The following SLC38A11 variants were observed in gnomAD, a reference collection of about 807,000 sequenced individuals.
SLC38A11 encodes putative sodium-coupled neutral amino acid transporter 11.
SLC38A11 carries 51 observed loss-of-function variants against 49.4 expected under a neutral mutation model. That is an observed-to-expected ratio of 1.03 (90% CI 0.83 to 1.30). The LOEUF (loss-of-function observed/expected upper bound fraction) is 1.30. SLC38A11 is among the 50% of genes most tolerant of loss of function. SLC38A11 has a pLI of 0.00. For synonymous variants in SLC38A11, 203 were observed against 192.9 expected (o/e 1.05, Z -0.43); for missense variants, 574 against 556.2 (o/e 1.03, Z -0.32).
At chr2:164,951,283 A>G (rs138154787) in intron 3 of SLC38A11, among the ~76,000 whole-genome samples, 16 of 152,310 alleles carry the variant, frequency 1.1e-4, no homozygotes, top group African/African-American at 3.8e-4. Flanking sequence ...CATAGTGATT[A>G]TGGTGGAAAT....
At chr2:164,949,401 A>C (rs1316046538) in intron 3 of SLC38A11, among the ~76,000 whole-genome samples, 1 of 151,984 alleles carries the variant, frequency 6.6e-6, no homozygotes, top group Non-Finnish European at 1.5e-5. Context: ...GAGACTACAG[A>C]CACAAGCCAC....
intron 2 of SLC38A11, 96 bp downstream of exon 2, chr2:164,954,535 T>C (rs1688723710): frequency 1.8e-6 from 1 of 545,058 alleles, no homozygotes; most frequent in Non-Finnish European, 3.1e-6. Flanking sequence ...ATTTAAGTCT[T>C]TTTTTCTTTA....
In SLC38A11 at chr2:164,895,715, G is replaced by C. The variant is rs967910312; in HGVS notation, c.*2722C>G. On this transcript the variant is annotated 3_prime_UTR_variant, in exon 12 of 12. Transcript: ENST00000685975. The stretch of plus-strand genomic sequence containing the variant: ...TCCCATCCAAGTACTAACAAGGCCA[G>C]ACCATACTTAGCTTCCAAGATCAGA... The C allele has an allele frequency of 6.6e-6, 1 of 152,186 alleles. No individual in the cohort carries two copies. The highest frequency in any genetic ancestry group is 2.4e-5 in the African/African-American group (1 of 41,456). 9.4% of individuals were successfully genotyped at this position (152,186 alleles called of 1,614,324 possible). A position where few individuals can be genotyped will look rare whatever the true frequency, so the allele number is the denominator to read the frequency against.
At chr2:164,915,869 C>T in intron 8 of SLC38A11, 34 bp downstream of exon 8, 2 of 1,531,412 alleles carry the variant, frequency 1.3e-6, no homozygotes, top group African/African-American at 1.4e-5. Context: ...GAGAACTCCA[C>T]ATTGAGAAAG....
chr2:164,898,473 T>C lies in SLC38A11; in HGVS notation c.1353A>G (p.Thr451=), dbSNP rs73015592. The change falls in exon 12 of 12, where the codon ACA becomes ACG. Residue 451 remains threonine (T), a synonymous_variant. Transcript: ENST00000685975. The part of the protein sequence containing the change: ...NTSESHVQQT[T]QLSTLNISIF... ...TACTAATATTTAAAGTAGAAAGTTGTGTTGTCTGCTGAACATGAGACTCTG... is the reference window on the plus strand; with the variant it reads ...TACTAATATTTAAAGTAGAAAGTTGCGTTGTCTGCTGAACATGAGACTCTG... 9.0e-3 allele frequency: 14,512 copies of C among 1,612,872 alleles called. 1,010 individuals carry two copies. The African/African-American group carries it at 0.16, about 18-fold the overall frequency.
At chr2:164,949,592 A>G (rs1031752792) in intron 3 of SLC38A11, among the ~76,000 whole-genome samples, 4 of 152,210 alleles carry the variant, frequency 2.6e-5, no homozygotes, top group Non-Finnish European at 5.9e-5. Context: ...AATATCCTGC[A>G]AACACAAAGG....
intron 7 of SLC38A11, among the ~76,000 whole-genome samples, chr2:164,924,264 A>C (rs895346221): frequency 6.6e-6 from 1 of 152,170 alleles, no homozygotes; most frequent in Admixed American, 6.6e-5. Flanking sequence ...GGAGCTAAAC[A>C]TTGGGTACAT....
At chr2:164,952,652 G>A (rs1688601131) in intron 3 of SLC38A11, 55 bp downstream of exon 3, 1 of 1,055,316 alleles carries the variant, frequency 9.5e-7, no homozygotes, top group East Asian at 2.4e-5. Context: ...GTGTGTATGT[G>A]TGTAGTTATT....
intron 9 of SLC38A11, among the ~76,000 whole-genome samples, chr2:164,913,429 T>C (rs1024358886): frequency 3.3e-5 from 5 of 151,984 alleles, no homozygotes; most frequent in Admixed American, 1.3e-4. Flanking sequence ...ATTTATCTAC[T>C]GAAAGAGGTT....
chr2:164,900,582 G>A (rs1684589445), intron 11 of SLC38A11, among the ~76,000 whole-genome samples: 1 of 151,854 alleles, frequency 6.6e-6, no homozygotes, highest in Non-Finnish European at 1.5e-5. Context: ...TATACCTGTT[G>A]GCCATTTTCA....
intron 3 of SLC38A11, among the ~76,000 whole-genome samples, chr2:164,951,613 A>AG (rs981128476): frequency 6.6e-6 from 1 of 152,180 alleles, no homozygotes; most frequent in African/African-American, 2.4e-5. Context: ...CGTCAGCCTG[A>AG]GAAAAAATAG....
At chr2:164,940,774 G>GTA (rs1687714549) in intron 5 of SLC38A11, among the ~76,000 whole-genome samples, 1 of 150,570 alleles carries the variant, frequency 6.6e-6, no homozygotes. Flanking sequence ...GTATGTGTGT[G>GTA]TATATATATT....
chr2:164,919,942 A>G (rs992963984), intron 7 of SLC38A11, among the ~76,000 whole-genome samples: 8 of 152,114 alleles, frequency 5.3e-5, no homozygotes, highest in South Asian at 2.1e-4. Context: ...CTTGCAAGGT[A>G]TTCTATTTAC....
intron 11 of SLC38A11, among the ~76,000 whole-genome samples, chr2:164,907,786 A>C (rs1452190677): frequency 6.6e-6 from 1 of 152,208 alleles, no homozygotes; most frequent in Non-Finnish European, 1.5e-5. Context: ...AATAATCATT[A>C]TCGGAAATAA....
chr2:164,949,252 AATTT>A, intron 3 of SLC38A11, among the ~76,000 whole-genome samples: 1 of 151,968 alleles, frequency 6.6e-6, no homozygotes, highest in South Asian at 2.1e-4. Context: ...TTAATTAATT[AATTT>A]ATTTATTGTT....
At position 164,915,936 on chromosome 2, in the gene SLC38A11, T is replaced by A. The variant is rs1166293648; in HGVS notation, c.655A>T (p.Asn219Tyr). 1.2e-6 allele frequency: 2 copies of A among 1,602,776 alleles called. No homozygotes were observed. The highest frequency in any genetic ancestry group is 2.7e-5 in the African/African-American group (2 of 74,808). The change falls in exon 8 of 12, where the codon AAT becomes TAT. Residue 219 changes from asparagine (N) to tyrosine (Y), a missense_variant. Transcript: ENST00000685975. ...ATAACCCCGACCGCTTGAATGGCAT[T>A]GGGCTTTGCAAATACCCAAGCGTCT... ...TEDAWVFAKPNAIQAVGVMSF... is the reference protein window; with the variant it reads ...TEDAWVFAKPYAIQAVGVMSF...
intron 6 of SLC38A11, among the ~76,000 whole-genome samples, 166 bp downstream of exon 6, chr2:164,939,284 G>A (rs749929719): frequency 1.3e-5 from 2 of 151,744 alleles, no homozygotes; most frequent in South Asian, 2.1e-4. Context: ...TTTAATCATC[G>A]GTTCTCACAA....
chr2:164,939,994 GT>G (rs10707733), intron 5 of SLC38A11, among the ~76,000 whole-genome samples: 60,826 of 137,028 alleles, frequency 0.44, 13,089 homozygotes, highest in South Asian at 0.67. Flanking sequence ...ATTTTCTAAG[GT>G]TTTTTTTTTT....
At chr2:164,937,621 C>G (rs903285062) in intron 6 of SLC38A11, 192 bp from the exon 7 acceptor site, 3 of 481,842 alleles carry the variant, frequency 6.2e-6, no homozygotes, top group African/African-American at 5.9e-5. Context: ...AGTCTTGGTT[C>G]CCCGCACCCA....
Sources: allele counts gnomAD v4.1 joint callset (sites outside exome capture counted in the v4.1 genomes callset), GRCh38; gene constraint gnomAD v4.1.1; transcripts MANE v1.5; gene names NCBI Gene and HGNC (gene_info 2026-07-23, HGNC 2026-07-21).